The following MUC4 variants were observed in gnomAD, a reference collection of about 807,000 sequenced individuals.
The protein encoded by MUC4 is mucin-4.
A neutral mutation model predicts 257.9 loss-of-function variants in MUC4; 202 were observed. The ratio of observed to expected loss-of-function variants is 0.78; its 90% CI spans 0.70 to 0.88. The LOEUF (loss-of-function observed/expected upper bound fraction) is 0.88. Ranked by LOEUF, MUC4 falls within the 40% of genes least tolerant of loss-of-function variation. The probability of loss-of-function intolerance (pLI) is 0.00; values close to 1 mark genes in which losing one functional copy is unlikely to be tolerated. For synonymous variants in MUC4, 2,351 were observed against 2,757.1 expected, an observed-to-expected ratio of 0.85 and a Z score of 4.62; for missense variants, 5,976 against 6,513.7, an observed-to-expected ratio of 0.92 and a Z score of 2.84.
intron 7 of MUC4, among the ~76,000 whole-genome samples, chr3:195,767,820 C>CCATCATTGCCACCACCAT (rs1320559908): frequency 2.4e-5 from 1 of 41,514 alleles, no homozygotes. Flanking sequence ...ACCATCACCA[C>CCATCATTGCCACCACCAT]CACCACCACC....
At chr3:195,759,987 A>G (rs1435582565) in intron 16 of MUC4, among the ~76,000 whole-genome samples, 1 of 151,752 alleles carries the variant, frequency 6.6e-6, no homozygotes, top group Non-Finnish European at 1.5e-5. Flanking sequence ...GTCCAGAAAT[A>G]GAGAGGGAGT....
At chr3:195,770,936 T>G (rs757174784) in intron 5 of MUC4, 1 of 451,892 alleles carries the variant, frequency 2.2e-6, no homozygotes, top group Non-Finnish European at 4.5e-6. Context: ...CCCCGTCACC[T>G]GTAGGTCTTC....
Position 195,778,582 on chromosome 3 carries a change from C to A in MUC4, c.12791-127G>T, listed in dbSNP as rs1368589135. 24 of 1,356,178 alleles carry A rather than the reference C, an allele frequency of 1.8e-5. No individual in the cohort carries two copies. The African/African-American group carries it at 2.5e-4, about 14-fold the overall frequency. 84.0% of individuals were successfully genotyped at this position (1,356,178 alleles called of 1,614,324 possible). ...CTCCTTGTCTCTCCCCTGCTCATAT[C>A]CAAACTACTCTCGACATCAGTGCTT... is the stretch of plus-strand genomic sequence containing the variant. On this transcript the variant is annotated intron_variant, in intron 2 of 24. Transcript: ENST00000463781.
chr3:195,797,514 A>G (rs149015543), intron 1 of MUC4, among the ~76,000 whole-genome samples: 11 of 152,334 alleles, frequency 7.2e-5, no homozygotes, highest in African/African-American at 2.6e-4. Flanking sequence ...AACAATGTCA[A>G]TTATAACCCC....
intron 7 of MUC4, 51 bp from the exon 8 acceptor site, chr3:195,766,802 T>C (rs770125698): frequency 6.4e-7 from 1 of 1,565,180 alleles, no homozygotes; most frequent in Non-Finnish European, 8.8e-7. Context: ...GGCTCTTGCC[T>C]CGCGGTTGCA....
Position 195,779,535 on chromosome 3 carries a change from G to C in MUC4, c.12045C>G (p.Thr4015=), listed in dbSNP as rs1553868376. Residue 4015 remains threonine, a synonymous_variant, in exon 2 of 25, where the codon ACC becomes ACG. Transcript: ENST00000463781. ...STSSVSTGHA[T]PLPVTSPSSA... Reference sequence around the variant, plus strand: ...AGGAAGGGCTGGTGACAGGAAGAGGGGTGGCGTGACCTGTAGATACTGAGG... The same window carrying C: ...AGGAAGGGCTGGTGACAGGAAGAGGCGTGGCGTGACCTGTAGATACTGAGG... 9.9e-6 allele frequency: 12 copies of C among 1,212,256 alleles called. No homozygotes were observed. The highest frequency in any genetic ancestry group is 4.2e-5 in the South Asian group (3 of 72,258). The allele number at this position is 1,212,256 out of a possible 1,614,324, so 75.1% of individuals were successfully genotyped here. A position where few individuals can be genotyped will look rare whatever the true frequency, so the allele number is the denominator to read the frequency against.
At chr3:195,766,820 C>CA in intron 7 of MUC4, 69 bp from the exon 8 acceptor site, 1 of 1,403,132 alleles carries the variant, frequency 7.1e-7, no homozygotes, top group Admixed American at 1.7e-5. Context: ...GCAAGGCGTC[C>CA]ATTCATCCCG....
At chr3:195,809,446 G>A (rs1736408623) in intron 1 of MUC4, among the ~76,000 whole-genome samples, 1 of 152,166 alleles carries the variant, frequency 6.6e-6, no homozygotes, top group Admixed American at 6.5e-5. Context: ...CCCGCCCTTG[G>A]TGACTGCTTT....
intron 1 of MUC4, among the ~76,000 whole-genome samples, chr3:195,798,113 GT>G (rs1437060338): frequency 2.0e-5 from 3 of 152,088 alleles, no homozygotes; most frequent in Non-Finnish European, 2.9e-5. Context: ...GGGAGACTCT[GT>G]CTCAAAAAGA....
rs147505566 is a variant in MUC4, at chr3:195,748,967, C to T, written c.15969G>A (p.Pro5323=). 1.2e-4 allele frequency: 193 copies of T among 1,608,766 alleles called. No individual in the cohort carries two copies. Among genetic ancestry groups the T allele is most frequent in the African/African-American group, 5.9e-4 (44 of 74,750 alleles). Residue 5323 remains proline (P), a synonymous_variant, in exon 24 of 25, where the codon CCG becomes CCA. Coordinates refer to ENST00000463781, the MANE Select transcript of MUC4 (RefSeq NM_018406.7). ...SPQSGFTCVS[P]CSRGYCDHGG... Reference sequence around the variant, plus strand: ...CATGGTCACAGTAGCCCCTACTGCACGGGGACACGCAGGTGAAGCCGCTCT... The same window carrying T: ...CATGGTCACAGTAGCCCCTACTGCATGGGGACACGCAGGTGAAGCCGCTCT...
intron 1 of MUC4, among the ~76,000 whole-genome samples, chr3:195,807,243 C>CG (rs1257513332): frequency 6.6e-6 from 1 of 152,142 alleles, no homozygotes; most frequent in Non-Finnish European, 1.5e-5. Context: ...CCGAGGCGAG[C>CG]GGATCACCTG....
rs1733724285 is a variant in MUC4 at position 195,790,513 on chromosome 3, G to A, written c.1067C>T (p.Pro356Leu). 3 of 1,613,904 alleles carry A rather than the reference G, an allele frequency of 1.9e-6. No individual in the cohort carries two copies. Among genetic ancestry groups the A allele is most frequent in the Non-Finnish European group, 2.5e-6 (3 of 1,179,900 alleles). Reference sequence around the variant, plus strand: ...TGTTCCACTTGGGTTGAATCCACTTGGTGAGGATAAAACAGTTGATGTTGT... The same window carrying A: ...TGTTCCACTTGGGTTGAATCCACTTAGTGAGGATAAAACAGTTGATGTTGT... ...PVTTSTVLSS[P>L]SGFNPSGTVS... The change falls in exon 2 of 25, where the codon CCA becomes CTA. Residue 356 changes from proline (P) to leucine (L), a missense_variant. Around this residue, in one of 44 missense-constraint regions of MUC4, gnomAD observed 1,583 missense variants for 1,257.4 expected, o/e 1.26. Transcript: ENST00000463781.
At chr3:195,775,889 C>G (rs368079155) in intron 3 of MUC4, among the ~76,000 whole-genome samples, 78 of 39,040 alleles carry the variant, frequency 2.0e-3, no homozygotes, top group South Asian at 2.3e-3. Context: ...ACCTTCCACA[C>G]CCATACCTTC....
Position 195,811,730 on chromosome 3 carries a change from A to T in MUC4, c.82+6T>A. 1 of 1,612,850 alleles carries T rather than the reference A, an allele frequency of 6.2e-7. No homozygotes were observed. ...GCCAGCCTCATCTGCTGTCTCCATC[A>T]CTTACCTGGGACCACATGCGGAAGG... is the stretch of plus-strand genomic sequence containing the variant. On this transcript the variant is annotated splice_donor_region_variant and intron_variant, in intron 1 of 24. Transcript: ENST00000463781.
At chr3:195,760,837 T>C in intron 16 of MUC4, 47 bp downstream of exon 16, 1 of 1,528,696 alleles carries the variant, frequency 6.5e-7, no homozygotes, top group South Asian at 1.1e-5. Context: ...CAGCTCCTCA[T>C]CTGCTCCCGA....
rs1726620927 is a variant in MUC4 at position 195,780,011 on chromosome 3, G to C, written c.11569C>G (p.Leu3857Val). 8.9e-6 allele frequency: 12 copies of C among 1,351,600 alleles called. 1 individual carries two copies. Among genetic ancestry groups the C allele is most frequent in the Admixed American group, 2.3e-5 (1 of 43,330 alleles). The allele number at this position is 1,351,600 out of a possible 1,614,324, so 83.7% of individuals were successfully genotyped here. A position where few individuals can be genotyped will look rare whatever the true frequency, so the allele number is the denominator to read the frequency against. ...SSVSTGDTMP[L>V]PVTSPSSAST... ...GCTGAGGAAGGGCTAGTGACAGGAA[G>C]AGGCATGGTGTCACCTGTGGATACT... The change falls in exon 2 of 25, where the codon CTT becomes GTT. Residue 3857 changes from leucine to valine, a missense_variant. Around this residue, in one of 44 missense-constraint regions of MUC4, gnomAD observed 330 missense variants for 262.0 expected, o/e 1.26. Transcript: ENST00000463781.
At chr3:195,797,266 T>TTAAATAAATAAATAAA (rs58592665) in intron 1 of MUC4, among the ~76,000 whole-genome samples, 14,290 of 149,554 alleles carry the variant, frequency 0.096, 910 homozygotes, top group Non-Finnish European at 0.15. Context: ...GGACTCTATC[T>TTAAATAAATAAATAAA]TAAATAAATA....
rs1333343630 is a variant in MUC4 at position 195,786,102 on chromosome 3, A to G, written c.5478T>C (p.Pro1826=). 2 of 1,541,804 alleles carry G rather than the reference A, an allele frequency of 1.3e-6. No homozygotes were observed. Among genetic ancestry groups the G allele is most frequent in the Non-Finnish European group, 1.7e-6 (2 of 1,145,802 alleles). The change falls in exon 2 of 25, where the codon CCT becomes CCC. Residue 1826 remains proline, a synonymous_variant. Coordinates refer to ENST00000463781, the MANE Select transcript of MUC4 (RefSeq NM_018406.7). The stretch of plus-strand genomic sequence containing the variant: ...TGGATGCTGAGGAAGCGTCGGTGAC[A>G]GGAAGAGGGGTGGTGTCACCTGTGG... ...SASTGDTTPL[P]VTDASSASTG...
Position 195,810,638 on chromosome 3 carries a change from G to A in MUC4, c.82+1098C>T, listed in dbSNP as rs1054721392. 6.6e-6 allele frequency among the ~76,000 whole-genome samples: 1 copy of A among 152,096 alleles called. No individual in the cohort carries two copies. The highest frequency in any genetic ancestry group is 1.5e-5 in the Non-Finnish European group (1 of 67,990). On this transcript the variant is annotated intron_variant, in intron 1 of 24. Transcript: ENST00000463781. The surrounding 1 kb of genome is among the most constrained non-coding windows in gnomAD (Gnocchi z 4.2). ...CCGAGCTCAGAGGTAAGAAGCCCAC[G>A]GCCAGCACCTCCCGGCCCTCTGCGC...
Sources: allele counts gnomAD v4.1 joint callset (sites outside exome capture counted in the v4.1 genomes callset), GRCh38; gene constraint gnomAD v4.1.1; regional missense constraint gnomAD v4.1.1; non-coding constraint Gnocchi (gnomAD v3.1); transcripts MANE v1.5; gene names NCBI Gene and HGNC (gene_info 2026-07-23, HGNC 2026-07-21).